The following ADAMTS18 variants were observed in gnomAD, a reference collection of about 807,000 sequenced individuals.
ADAMTS18 encodes the protein A disintegrin and metalloproteinase with thrombospondin motifs 18.
A neutral mutation model predicts 165.9 loss-of-function variants in ADAMTS18; 157 were observed. The observed-to-expected ratio is 0.95, with a 90% CI of 0.83 to 1.08. The LOEUF is 1.08. ADAMTS18 is among the 50% of genes least tolerant of loss of function. The pLI, the probability that ADAMTS18 is intolerant of heterozygous loss-of-function variation, is 0.00. For synonymous variants in ADAMTS18, 782 were observed against 578.2 expected (o/e 1.35, Z -5.06); for missense variants, 2,040 against 1,534.0 (o/e 1.33, Z -5.51).
intron 12 of ADAMTS18, among the ~76,000 whole-genome samples, chr16:77,333,510 A>C (rs2056225591): frequency 6.6e-6 from 1 of 151,578 alleles, no homozygotes; most frequent in Admixed American, 6.6e-5. Flanking sequence ...AAAAAATAAA[A>C]CAGTGTGTTC....
chr16:77,340,873 A>G lies in ADAMTS18; in HGVS notation c.1710+831T>C, dbSNP rs539242569. Among the ~76,000 whole-genome samples, 106 of 152,286 alleles carry G rather than the reference A, an allele frequency of 7.0e-4. 3 individuals carry two copies. The South Asian group carries it at 0.022, about 31-fold the overall frequency. On this transcript the variant is annotated intron_variant, in intron 11 of 22. Transcript: ENST00000282849. ...ATGAGCTATCACACCCAGCCTTGACATAACTTTAAAGGACCAATGACCATT... is the reference window on the plus strand; with the variant it reads ...ATGAGCTATCACACCCAGCCTTGACGTAACTTTAAAGGACCAATGACCATT...
chr16:77,384,864 A>C (rs1481606609), intron 3 of ADAMTS18, among the ~76,000 whole-genome samples: 1 of 152,032 alleles, frequency 6.6e-6, no homozygotes, highest in Non-Finnish European at 1.5e-5. Context: ...TATAGTTATC[A>C]AAATATTTAA....
At chr16:77,289,032 C>T (rs2055310510) in intron 22 of ADAMTS18, among the ~76,000 whole-genome samples, 1 of 152,192 alleles carries the variant, frequency 6.6e-6, no homozygotes, top group African/African-American at 2.4e-5. Context: ...TTACAGTGAG[C>T]TGTGTACTCC....
At chr16:77,327,332 C>T (rs2056112765) in intron 12 of ADAMTS18, among the ~76,000 whole-genome samples, 1 of 152,174 alleles carries the variant, frequency 6.6e-6, no homozygotes, top group Non-Finnish European at 1.5e-5. Context: ...CCCTTGCCAC[C>T]CCCTACCCTT....
Position 77,396,315 on chromosome 16 carries a change from T to G in ADAMTS18, c.496-28592A>C, listed in dbSNP as rs147220487. Among the ~76,000 whole-genome samples the G allele has an allele frequency of 7.0e-3, 1,062 of 152,324 alleles. 14 individuals are homozygous for G. Among genetic ancestry groups the G allele is most frequent in the African/African-American group, 0.024 (1,009 of 41,570 alleles). On this transcript the variant is annotated intron_variant, in intron 3 of 22. Coordinates refer to ENST00000282849, the MANE Select transcript of ADAMTS18 (RefSeq NM_199355.4). ...ACTGTGTTTGCCGTAAAGGGAAATT[T>G]GAAATATCAGCAGAAAGAAATTTAT...
chr16:77,338,067 C>A (rs546345518), intron 11 of ADAMTS18, among the ~76,000 whole-genome samples: 41 of 152,178 alleles, frequency 2.7e-4, no homozygotes, highest in African/African-American at 9.9e-4. Flanking sequence ...CTACACCCAG[C>A]TAATTTTTGT....
At chr16:77,409,956 T>A (rs1282536764) in intron 3 of ADAMTS18, among the ~76,000 whole-genome samples, 1 of 152,150 alleles carries the variant, frequency 6.6e-6, no homozygotes, top group Non-Finnish European at 1.5e-5. Context: ...CTGGGTGGGA[T>A]CAAATTGACT....
intron 3 of ADAMTS18, among the ~76,000 whole-genome samples, chr16:77,431,034 G>A (rs2057732690): frequency 6.6e-6 from 1 of 152,102 alleles, no homozygotes; most frequent in Non-Finnish European, 1.5e-5. Flanking sequence ...ATTTCCTTGG[G>A]GATCATCTCA....
intron 3 of ADAMTS18, among the ~76,000 whole-genome samples, chr16:77,408,676 T>C (rs1313264017): frequency 3.3e-5 from 5 of 152,172 alleles, no homozygotes; most frequent in Non-Finnish European, 7.4e-5. Context: ...ACAGAAGTCA[T>C]GGTAGCAATT....
intron 3 of ADAMTS18, among the ~76,000 whole-genome samples, chr16:77,399,583 T>A (rs2144806502): frequency 6.6e-6 from 1 of 152,334 alleles, no homozygotes; most frequent in South Asian, 2.1e-4. Flanking sequence ...TCTAGAAAGT[T>A]GCTTAATCAC....
At chr16:77,311,931 G>A (rs192917274) in intron 16 of ADAMTS18, among the ~76,000 whole-genome samples, 4 of 152,252 alleles carry the variant, frequency 2.6e-5, no homozygotes, top group Admixed American at 1.3e-4. Flanking sequence ...TTATTCCACT[G>A]TGGTGAAACG....
At chr16:77,294,747 C>T (rs1429286047) in intron 19 of ADAMTS18, among the ~76,000 whole-genome samples, 176 bp downstream of exon 19, 2 of 152,078 alleles carry the variant, frequency 1.3e-5, no homozygotes, top group Non-Finnish European at 2.9e-5. Flanking sequence ...GAGAGGGGTG[C>T]CAAAACTTCA....
chr16:77,376,209 A>T (rs1432884325), intron 3 of ADAMTS18, among the ~76,000 whole-genome samples: 1 of 152,080 alleles, frequency 6.6e-6, no homozygotes, highest in Non-Finnish European at 1.5e-5. Flanking sequence ...GGCCGCAGAC[A>T]CATCTTACAT....
chr16:77,288,523 C>G (rs981725109), intron 22 of ADAMTS18, among the ~76,000 whole-genome samples: 4 of 152,068 alleles, frequency 2.6e-5, no homozygotes, highest in African/African-American at 9.7e-5. Context: ...CTCAGACTTT[C>G]CATTTTCCTA....
At chr16:77,290,915 T>G in intron 21 of ADAMTS18, 1 of 291,278 alleles carries the variant, frequency 3.4e-6, no homozygotes, top group South Asian at 3.2e-5. Flanking sequence ...GTAAAGGCTG[T>G]GAGCAGCATT....
chr16:77,326,090 T>A (rs1283343449), intron 12 of ADAMTS18, 52 bp from the exon 13 acceptor site: 1 of 1,548,716 alleles, frequency 6.5e-7, no homozygotes, highest in Admixed American at 1.7e-5. Context: ...GGCTCATTAT[T>A]AGTCACATGC....
intron 16 of ADAMTS18, among the ~76,000 whole-genome samples, chr16:77,310,236 C>A (rs969699330): frequency 6.6e-6 from 1 of 152,188 alleles, no homozygotes; most frequent in African/African-American, 2.4e-5. Context: ...ATGTTGTTCA[C>A]TCCATACATT....
At chr16:77,433,408 A>T (rs1257631688) in intron 2 of ADAMTS18, 1 of 152,218 alleles carries the variant, frequency 6.6e-6, no homozygotes, top group African/African-American at 2.4e-5. Flanking sequence ...TCGGTTCTTG[A>T]TGGAAGAAGG....
At chr16:77,313,162 G>C (rs1373866902) in intron 16 of ADAMTS18, among the ~76,000 whole-genome samples, 1 of 152,068 alleles carries the variant, frequency 6.6e-6, no homozygotes, top group African/African-American at 2.4e-5. Context: ...GATGGAGCTG[G>C]AAACCATCAT....
Sources: allele counts gnomAD v4.1 joint callset (sites outside exome capture counted in the v4.1 genomes callset), GRCh38; gene constraint gnomAD v4.1.1; transcripts MANE v1.5; gene names NCBI Gene and HGNC (gene_info 2026-07-23, HGNC 2026-07-21).